PTPRD: variants seen among roughly 807,000 people sequenced by gnomAD.
The protein encoded by PTPRD is protein tyrosine phosphatase receptor type D.
Under a neutral mutation model 214.5 loss-of-function variants are expected in PTPRD, and 34 were observed. The ratio of observed to expected loss-of-function variants is 0.16; its 90% confidence interval spans 0.12 to 0.21. The LOEUF (loss-of-function observed/expected upper bound fraction) is 0.21. Ranked by LOEUF, PTPRD falls within the 10% of genes least tolerant of loss-of-function variation. The probability of loss-of-function intolerance (pLI) is 1.00; values close to 1 mark genes in which losing one functional copy is unlikely to be tolerated. For synonymous variants in PTPRD, 1,128 were observed against 845.7 expected, an observed-to-expected ratio of 1.33 and a Z score of -5.79; for missense variants, 2,545 against 2,398.7, an observed-to-expected ratio of 1.06 and a Z score of -1.27.
At position 8,379,997 on chromosome 9, in the gene PTPRD, A is replaced by G. The variant is rs76060573; in HGVS notation, c.4387-3271T>C. On this transcript the variant is annotated intron_variant, in intron 37 of 45. Transcript: ENST00000381196. Reference sequence around the variant, plus strand: ...TGGGGATTGAAGTGATGCCCCTAAAACACTTAACCCAAATGGCTGGCACAA... The same window carrying G: ...TGGGGATTGAAGTGATGCCCCTAAAGCACTTAACCCAAATGGCTGGCACAA... Among the ~76,000 whole-genome samples the G allele has an allele frequency of 3.1e-3, 476 of 152,192 alleles. 1 individual carries two copies. Among genetic ancestry groups the G allele is most frequent in the Non-Finnish European group, 5.5e-3 (376 of 68,002 alleles).
chr9:10,513,884 T>A (rs368501524), intron 2 of PTPRD, among the ~76,000 whole-genome samples: 4 of 152,226 alleles, frequency 2.6e-5, no homozygotes, highest in African/African-American at 9.6e-5. Flanking sequence ...ATGAGCAAGA[T>A]ACCAGGATGA....
At chr9:10,111,510 T>C (rs2098692107) in intron 3 of PTPRD, among the ~76,000 whole-genome samples, 1 of 152,092 alleles carries the variant, frequency 6.6e-6, no homozygotes, top group African/African-American at 2.4e-5. Flanking sequence ...AGTGCTGGGA[T>C]TACAGGCGTG....
At chr9:9,617,977 C>A (rs1246285832) in intron 7 of PTPRD, among the ~76,000 whole-genome samples, 1 of 139,396 alleles carries the variant, frequency 7.2e-6, no homozygotes, top group African/African-American at 2.7e-5. Flanking sequence ...GAGCCTGAGG[C>A]AGGAGAATGG....
At chr9:8,684,843 T>G (rs1746794382) in intron 12 of PTPRD, among the ~76,000 whole-genome samples, 2 of 152,196 alleles carry the variant, frequency 1.3e-5, no homozygotes, top group African/African-American at 4.8e-5. Flanking sequence ...ATATTTTCAT[T>G]CAAAGGATTT....
chr9:10,323,032 G>C (rs1240914253), intron 3 of PTPRD, among the ~76,000 whole-genome samples: 1 of 151,888 alleles, frequency 6.6e-6, no homozygotes, highest in African/African-American at 2.4e-5. Flanking sequence ...TACCTAACAA[G>C]CTATTGAAGA....
chr9:9,208,779 A>G (rs1017812170), intron 9 of PTPRD, among the ~76,000 whole-genome samples: 1 of 152,092 alleles, frequency 6.6e-6, no homozygotes, highest in African/African-American at 2.4e-5. Context: ...CAAACTACAA[A>G]GAAGAAAGAA....
intron 3 of PTPRD, among the ~76,000 whole-genome samples, chr9:10,337,877 A>G (rs1344134154): frequency 6.6e-6 from 1 of 151,662 alleles, no homozygotes; most frequent in Non-Finnish European, 1.5e-5. Context: ...CATGCTTTTG[A>G]TCTCCTTGCC....
intron 11 of PTPRD, among the ~76,000 whole-genome samples, chr9:8,973,730 GT>G (rs1226679825): frequency 2.0e-5 from 3 of 151,966 alleles, no homozygotes; most frequent in Admixed American, 2.0e-4. Context: ...AGCATTTGCT[GT>G]TTTTTGACTT....
At chr9:8,910,111 T>C (rs1398825993) in intron 11 of PTPRD, among the ~76,000 whole-genome samples, 1 of 152,046 alleles carries the variant, frequency 6.6e-6, no homozygotes, top group Non-Finnish European at 1.5e-5. Context: ...CAATCTCGGC[T>C]CACTGCAAGC....
intron 5 of PTPRD, among the ~76,000 whole-genome samples, chr9:9,912,335 G>T (rs192513042): frequency 6.6e-6 from 1 of 152,246 alleles, no homozygotes; most frequent in African/African-American, 2.4e-5. Flanking sequence ...TAAAACATTT[G>T]TCCAAAATTT....
chr9:9,971,470 G>C (rs1037544917), intron 4 of PTPRD, among the ~76,000 whole-genome samples: 1 of 152,088 alleles, frequency 6.6e-6, no homozygotes, highest in African/African-American at 2.4e-5. Flanking sequence ...CTCTACTTTT[G>C]TATTTTGAAT....
intron 9 of PTPRD, among the ~76,000 whole-genome samples, chr9:9,389,422 A>G (rs2065039207): frequency 6.6e-6 from 1 of 152,132 alleles, no homozygotes; most frequent in Admixed American, 6.5e-5. Flanking sequence ...AGGTAGGAGA[A>G]TTGCTTGAAC....
chr9:9,496,760 A>C (rs968456092), intron 8 of PTPRD, among the ~76,000 whole-genome samples: 5 of 152,196 alleles, frequency 3.3e-5, no homozygotes, highest in African/African-American at 1.2e-4. Flanking sequence ...AAATATATCA[A>C]AAATACATTG....
chr9:9,990,467 C>G (rs1250090704), intron 4 of PTPRD, among the ~76,000 whole-genome samples: 2 of 152,172 alleles, frequency 1.3e-5, no homozygotes, highest in East Asian at 3.9e-4. Context: ...CTTACCACCT[C>G]CCCTCCCGGC....
intron 3 of PTPRD, among the ~76,000 whole-genome samples, chr9:10,281,814 C>G (rs536390626): frequency 5.3e-5 from 8 of 151,962 alleles, no homozygotes; most frequent in African/African-American, 1.9e-4. Context: ...AAAAATGACT[C>G]GAAAGGTTTT....
At chr9:9,587,010 A>C (rs1455371287) in intron 7 of PTPRD, among the ~76,000 whole-genome samples, 1 of 152,028 alleles carries the variant, frequency 6.6e-6, no homozygotes, top group African/African-American at 2.4e-5. Context: ...TAAGGAAGCC[A>C]GTCTATCATA....
chr9:10,403,227 AATATATATATAT>A (rs58712564), intron 2 of PTPRD, among the ~76,000 whole-genome samples: 3,257 of 59,892 alleles, frequency 0.054, 172 homozygotes, highest in South Asian at 0.17. Context: ...TGTGTGTGTA[AATATATATATAT>A]ATATATATAT....
At chr9:10,191,628 C>T (rs866910105) in intron 3 of PTPRD, among the ~76,000 whole-genome samples, 1 of 152,106 alleles carries the variant, frequency 6.6e-6, no homozygotes, top group African/African-American at 2.4e-5. Flanking sequence ...TTGTATTGCT[C>T]TCTTTCCCCC....
chr9:8,703,756 C>G (rs1357088079), intron 12 of PTPRD, among the ~76,000 whole-genome samples: 1 of 152,126 alleles, frequency 6.6e-6, no homozygotes, highest in Non-Finnish European at 1.5e-5. Flanking sequence ...CTAGCGACTT[C>G]CAAGAGAATA....
Sources: gnomAD v4.1 joint callset for allele counts (sites outside exome capture counted in the v4.1 genomes callset) on GRCh38, gnomAD v4.1.1 for gene constraint, MANE v1.5 for transcripts, NCBI Gene and HGNC (gene_info 2026-07-23, HGNC 2026-07-21) for gene names.